MAPK14: variants seen among roughly 807,000 people sequenced by gnomAD.
MAPK14 encodes the protein mitogen-activated protein kinase 14, also known as CSAID-binding protein.
MAPK14 carries 16 observed loss-of-function variants against 49.6 expected under a neutral mutation model. That is an observed-to-expected ratio of 0.32 (90% CI 0.22 to 0.49). The LOEUF is 0.49. Among genes scored for constraint, MAPK14 ranks in the 20% least tolerant of loss-of-function variants. The pLI is 0.99. For synonymous variants in MAPK14, 142 were observed against 158.0 expected (o/e 0.90, Z 0.76); for missense variants, 200 against 441.2 (o/e 0.45, Z 4.90).
chr6:36,118,378 G>A, the MAPK14 span, among the ~76,000 whole-genome samples: 3 of 152,182 alleles, frequency 2.0e-5, no homozygotes, highest in East Asian at 3.8e-4. Context: ...GGAGTTGTTC[G>A]TTGTTTTCAT....
Position 36,064,890 on chromosome 6 carries a change from C to T in MAPK14, c.305+5543C>T, listed in dbSNP as rs142193917. ...GAAAGGTCCTACATGAGTTGGTCTC[C>T]GGTGTACTCTCTAATCTAACCTCAC... On this transcript the variant is annotated intron_variant, in intron 3 of 11. Coordinates refer to ENST00000229794, the MANE Select transcript of MAPK14 (RefSeq NM_139012.3). Among the ~76,000 whole-genome samples the T allele has an allele frequency of 3.9e-5, 6 of 152,298 alleles. No homozygotes were observed. The East Asian group carries it at 5.8e-4, about 15-fold the overall frequency.
rs180969411 is a variant in MAPK14 at position 36,107,300 on chromosome 6, A to C, written c.842-155A>C. ...CACACACACACACACACATACACAC[A>C]TAAAGGAGAAGAGGGCTAATATATC... On this transcript the variant is annotated intron_variant, in intron 10 of 11. Coordinates refer to ENST00000229794, the MANE Select transcript of MAPK14 (RefSeq NM_139012.3). The surrounding 1 kb of genome is among the most constrained non-coding windows in gnomAD (Gnocchi z 4.3). 1.3e-5 allele frequency among the ~76,000 whole-genome samples: 2 copies of C among 152,312 alleles called. No individual in the cohort carries two copies. The highest frequency in any genetic ancestry group is 4.8e-5 in the African/African-American group (2 of 41,572).
In MAPK14 at chr6:36,028,034, C is replaced by G; in HGVS notation, c.-124C>G. On this transcript the variant is annotated 5_prime_UTR_variant, in exon 1 of 12. Coordinates refer to ENST00000229794, the MANE Select transcript of MAPK14 (RefSeq NM_139012.3). The surrounding 1 kb of genome is among the most constrained non-coding windows in gnomAD (Gnocchi z 5.1). ...GTCTGCGGGGTCGCGGCAGCCGCACCTGCGCGGGCGACCAGCGCAAGGTCC... is the reference window on the plus strand; with the variant it reads ...GTCTGCGGGGTCGCGGCAGCCGCACGTGCGCGGGCGACCAGCGCAAGGTCC... 6.0e-6 allele frequency: 3 copies of G among 503,376 alleles called. No homozygotes were observed. The highest frequency in any genetic ancestry group is 4.5e-5 in the South Asian group (1 of 22,084). 31.2% of individuals were successfully genotyped at this position (503,376 alleles called of 1,614,324 possible).
rs1762381861 is a variant in MAPK14 at position 36,028,149 on chromosome 6, C to T, written c.-9C>T. The T allele has an allele frequency of 1.9e-6, 3 of 1,605,028 alleles. No homozygotes were observed. Among genetic ancestry groups the T allele is most frequent in the South Asian group, 1.1e-5 (1 of 90,792 alleles). On this transcript the variant is annotated 5_prime_UTR_variant, in exon 1 of 12. Coordinates refer to ENST00000229794, the MANE Select transcript of MAPK14 (RefSeq NM_139012.3). This position sits in a 1 kb window ranked among gnomAD's most constrained non-coding sequence, Gnocchi z 5.1. ...GGCCACCTTCTTGCCCGGCGGCTGC[C>T]GCTGGAAAATGTCTCAGGAGAGGCC...
the MAPK14 span, among the ~76,000 whole-genome samples, chr6:36,120,731 CCGA>C: frequency 1.3e-5 from 2 of 152,322 alleles, no homozygotes; most frequent in Middle Eastern, 3.4e-3. Context: ...CTCCCACCTG[CCGA>C]CGACAGTGTT....
At chr6:36,098,430 T>C (rs1765522469) in intron 9 of MAPK14, among the ~76,000 whole-genome samples, 1 of 152,152 alleles carries the variant, frequency 6.6e-6, no homozygotes. Context: ...CACAGCACTT[T>C]GGGAGGCTGA....
chr6:36,080,130 G>C (rs1186882741), intron 8 of MAPK14, among the ~76,000 whole-genome samples: 1 of 151,944 alleles, frequency 6.6e-6, no homozygotes, highest in East Asian at 1.9e-4. Context: ...TAGAGACAGG[G>C]TTTCACCATG....
the MAPK14 span, among the ~76,000 whole-genome samples, chr6:36,121,050 G>A: frequency 3.3e-5 from 5 of 152,140 alleles, no homozygotes; most frequent in South Asian, 6.2e-4. Context: ...TGTAAGGAAC[G>A]AGGATGCCCC....
Position 36,028,172 on chromosome 6 carries a change from G to A in MAPK14, c.15G>A (p.Arg5=). ...GCCGCTGGAAAATGTCTCAGGAGAG[G>A]CCCACGTTCTACCGGCAGGAGCTGA... The part of the protein sequence containing the change: MSQE[R]PTFYRQELNK... The change falls in exon 1 of 12, where the codon AGG becomes AGA. Residue 5 remains arginine (R), a synonymous_variant. Coordinates refer to ENST00000229794, the MANE Select transcript of MAPK14 (RefSeq NM_139012.3). This position sits in a 1 kb window ranked among gnomAD's most constrained non-coding sequence, Gnocchi z 5.1. 1 of 1,613,334 alleles carries A rather than the reference G, an allele frequency of 6.2e-7. No homozygotes were observed. The highest frequency in any genetic ancestry group is 1.3e-5 in the African/African-American group (1 of 75,030).
Position 36,044,571 on chromosome 6 carries a change from A to G in MAPK14, c.117-8128A>G, listed in dbSNP as rs564005490. Among the ~76,000 whole-genome samples, 5 of 152,286 alleles carry G rather than the reference A, an allele frequency of 3.3e-5. No homozygotes were observed. The South Asian group carries it at 8.3e-4, about 25-fold the overall frequency. On this transcript the variant is annotated intron_variant, in intron 1 of 11. Transcript: ENST00000229794. ...AAACACAAGTTCCCTATATCTCTATACCTATCAAAAGCTCAGTTGACAGCC... is the reference window on the plus strand; with the variant it reads ...AAACACAAGTTCCCTATATCTCTATGCCTATCAAAAGCTCAGTTGACAGCC...
intron 1 of MAPK14, among the ~76,000 whole-genome samples, chr6:36,048,923 A>G (rs1460105912): frequency 6.6e-6 from 1 of 152,172 alleles, no homozygotes; most frequent in African/African-American, 2.4e-5. Flanking sequence ...AGAATGTGGG[A>G]GAGAGAAGAG....
intron 3 of MAPK14, among the ~76,000 whole-genome samples, chr6:36,070,611 C>T (rs1764231817): frequency 6.6e-6 from 1 of 152,160 alleles, no homozygotes; most frequent in Admixed American, 6.5e-5. Context: ...TTAGAGTCTA[C>T]TCTTTCCTCA....
rs558443235 is a variant in MAPK14 at position 36,107,271 on chromosome 6, C to T, written c.842-184C>T. 7.8e-4 allele frequency among the ~76,000 whole-genome samples: 2 copies of T among 2,562 alleles called. No individual in the cohort carries two copies. The highest frequency in any genetic ancestry group is 1.3e-3 in the Non-Finnish European group (2 of 1,580). The allele number at this position is 2,562 out of a possible 152,430, so 1.7% of individuals were successfully genotyped here. A position where few individuals can be genotyped will look rare whatever the true frequency, so the allele number is the denominator to read the frequency against. On this transcript the variant is annotated intron_variant, in intron 10 of 11. Transcript: ENST00000229794. This position sits in a 1 kb window ranked among gnomAD's most constrained non-coding sequence, Gnocchi z 4.3. Reference sequence around the variant, plus strand: ...TTTTAAAACATAGAAAATACAGATACACACACACACACACACACACATACA... The same window carrying T: ...TTTTAAAACATAGAAAATACAGATATACACACACACACACACACACATACA...
At chr6:36,078,478 G>A (rs1303681253) in intron 8 of MAPK14, among the ~76,000 whole-genome samples, 1 of 152,204 alleles carries the variant, frequency 6.6e-6, no homozygotes, top group Non-Finnish European at 1.5e-5. Flanking sequence ...AGCAGTGTGA[G>A]TCTTGTACCT....
intron 9 of MAPK14, 60 bp from the exon 10 acceptor site, chr6:36,102,511 T>A: frequency 1.5e-6 from 2 of 1,297,622 alleles, no homozygotes; most frequent in South Asian, 1.2e-5. Flanking sequence ...ACCAAGATTC[T>A]TTCTTTGAGA....
intron 6 of MAPK14, 168 bp from the exon 7 acceptor site, chr6:36,075,680 A>G (rs1764502982): frequency 2.3e-6 from 2 of 866,096 alleles, no homozygotes; most frequent in African/African-American, 1.7e-5. Flanking sequence ...CTTGCTGTAT[A>G]TTTACCATAC....
At chr6:36,104,518 G>T (rs767880988) in intron 10 of MAPK14, among the ~76,000 whole-genome samples, 36 of 152,088 alleles carry the variant, frequency 2.4e-4, no homozygotes, top group Non-Finnish European at 4.0e-4. Context: ...CTCCTGAGTA[G>T]CTGGGAATAC....
intron 2 of MAPK14, among the ~76,000 whole-genome samples, chr6:36,055,543 G>C (rs1344638841): frequency 2.0e-5 from 3 of 151,866 alleles, no homozygotes; most frequent in African/African-American, 4.8e-5. Context: ...TTTGATTCCT[G>C]GGTTACTTTG....
chr6:36,035,069 T>G (rs926818759), intron 1 of MAPK14, among the ~76,000 whole-genome samples: 1 of 151,972 alleles, frequency 6.6e-6, no homozygotes, highest in African/African-American at 2.4e-5. Flanking sequence ...TGGCTAATTT[T>G]TGTATTTTTA....
Sources: allele counts gnomAD v4.1 joint callset (sites outside exome capture counted in the v4.1 genomes callset), GRCh38; gene constraint gnomAD v4.1.1; non-coding constraint Gnocchi (gnomAD v3.1); transcripts MANE v1.5; gene names NCBI Gene and HGNC (gene_info 2026-07-23, HGNC 2026-07-21).